Variants in ELAVL2 observed in about 807,000 individuals in gnomAD.
ELAVL2 encodes ELAV-like protein 2.
A neutral mutation model predicts 34.6 loss-of-function variants in ELAVL2; 4 were observed. That is an observed-to-expected ratio of 0.12 (90% CI 0.06 to 0.26). The LOEUF (loss-of-function observed/expected upper bound fraction) is 0.26, where lower values mean the gene tolerates loss of function less well. Ranked by LOEUF, ELAVL2 falls within the 10% of genes least tolerant of loss-of-function variation. The pLI, the probability that ELAVL2 is intolerant of heterozygous loss-of-function variation, is 1.00. For synonymous variants in ELAVL2, 193 were observed against 154.8 expected (o/e 1.25, Z -1.83); for missense variants, 432 against 442.8 (o/e 0.98, Z 0.22).
intron 1 of ELAVL2, among the ~76,000 whole-genome samples, chr9:23,809,484 T>C (rs766697882): frequency 1.3e-5 from 2 of 152,124 alleles, no homozygotes; most frequent in African/African-American, 4.8e-5. Flanking sequence ...ATCTAAGACA[T>C]GAGAAAACAT....
At position 23,779,855 on chromosome 9, in the gene ELAVL2, CTG is replaced by C. The variant is rs912188326; in HGVS notation, c.-15-17608_-15-17607del. Among the ~76,000 whole-genome samples, 4 of 151,822 alleles carry C rather than the reference CTG, an allele frequency of 2.6e-5. 1 individual carries two copies. Among genetic ancestry groups the C allele is most frequent in the Admixed American group, 2.0e-4 (3 of 15,240 alleles). ...ATAAAAAGCTGGAGCAATTCCAAAA[CTG>C]TGGGTTTTATAGGGCACATTAAATT... On this transcript the variant is annotated intron_variant, in intron 1 of 6. Transcript: ENST00000397312.
At chr9:23,781,846 G>A (rs984593186) in intron 1 of ELAVL2, among the ~76,000 whole-genome samples, 7 of 151,900 alleles carry the variant, frequency 4.6e-5, no homozygotes, top group South Asian at 2.1e-4. Context: ...CACCACGCCC[G>A]GCTAATTTTT....
upstream of ELAVL2, among the ~76,000 whole-genome samples, chr9:23,826,528 C>T (rs1477251874): frequency 1.3e-5 from 2 of 152,094 alleles, no homozygotes; most frequent in Non-Finnish European, 2.9e-5. Flanking sequence ...GTAAGTTGTG[C>T]GGGGAGGTAC....
At chr9:23,840,028 G>A in the ELAVL2 span, among the ~76,000 whole-genome samples, 1 of 152,070 alleles carries the variant, frequency 6.6e-6, no homozygotes, top group Non-Finnish European at 1.5e-5. Context: ...TCAAGTTCAG[G>A]GTTGTCTTGG....
At chr9:23,733,027 T>C (rs549881575) in intron 2 of ELAVL2, among the ~76,000 whole-genome samples, 112 of 152,172 alleles carry the variant, frequency 7.4e-4, no homozygotes, top group African/African-American at 2.6e-3. Flanking sequence ...TTTGTCATAC[T>C]GCTATTCTAT....
chr9:23,745,805 T>C (rs1192613946), intron 2 of ELAVL2, among the ~76,000 whole-genome samples: 1 of 152,162 alleles, frequency 6.6e-6, no homozygotes, highest in East Asian at 1.9e-4. Context: ...TACCACAAGA[T>C]ATATGGCTCT....
At chr9:23,783,987 G>A (rs1334523919) in intron 1 of ELAVL2, among the ~76,000 whole-genome samples, 2 of 151,954 alleles carry the variant, frequency 1.3e-5, no homozygotes, top group Non-Finnish European at 2.9e-5. Context: ...GAGGTCAGGA[G>A]ATCGAGACCA....
Position 23,692,077 on chromosome 9 carries a change from T to C in ELAVL2, c.*480A>G, listed in dbSNP as rs748915626. ...AAACTTCATAAATAAAAATGTAAAC[T>C]TCAAAATACTTTTCTTAAACAGACA... On this transcript the variant is annotated 3_prime_UTR_variant, in exon 7 of 7. Coordinates refer to ENST00000397312, the MANE Select transcript of ELAVL2 (RefSeq NM_004432.5). The C allele has an allele frequency of 6.5e-6, 1 of 154,152 alleles. No individual in the cohort carries two copies. The highest frequency in any genetic ancestry group is 2.0e-4 in the South Asian group (1 of 4,944). 9.5% of individuals were successfully genotyped at this position (154,152 alleles called of 1,614,324 possible). A position where few individuals can be genotyped will look rare whatever the true frequency, so the allele number is the denominator to read the frequency against.
intron 1 of ELAVL2, among the ~76,000 whole-genome samples, chr9:23,820,399 G>C (rs2064397071): frequency 6.6e-6 from 1 of 152,178 alleles, no homozygotes; most frequent in South Asian, 2.1e-4. Flanking sequence ...ACCGTTCTTT[G>C]AGGGAGGGAA....
chr9:23,822,016 C>G (rs527530550), intron 1 of ELAVL2, among the ~76,000 whole-genome samples: 2 of 151,792 alleles, frequency 1.3e-5, no homozygotes, highest in African/African-American at 4.8e-5. Context: ...TCCCTCCGGA[C>G]TTCCGAGTCT....
intron 1 of ELAVL2, among the ~76,000 whole-genome samples, chr9:23,824,111 C>T (rs913531434): frequency 6.6e-6 from 1 of 152,248 alleles, no homozygotes; most frequent in Middle Eastern, 3.4e-3. Context: ...TTGGCTATTT[C>T]TCTCACCCTC....
intron 2 of ELAVL2, among the ~76,000 whole-genome samples, chr9:23,743,289 C>T (rs995171628): frequency 1.4e-4 from 21 of 152,190 alleles, no homozygotes; most frequent in African/African-American, 5.1e-4. Context: ...CAAAATGGTG[C>T]AGCTCCTACG....
intron 2 of ELAVL2, among the ~76,000 whole-genome samples, chr9:23,736,805 T>C (rs1403292202): frequency 1.3e-5 from 2 of 152,204 alleles, no homozygotes. Flanking sequence ...CCAGGAGAAC[T>C]TCTTAAAACA....
chr9:23,737,065 T>G (rs1321293531), intron 2 of ELAVL2, among the ~76,000 whole-genome samples: 1 of 152,132 alleles, frequency 6.6e-6, no homozygotes, highest in Non-Finnish European at 1.5e-5. Flanking sequence ...TCCCACAGCT[T>G]CTTATATTAT....
intron 1 of ELAVL2, among the ~76,000 whole-genome samples, chr9:23,808,834 A>T (rs1276133907): frequency 6.6e-6 from 1 of 152,132 alleles, no homozygotes; most frequent in Non-Finnish European, 1.5e-5. Context: ...TTCCTTAAGG[A>T]GTCTGAACTA....
intron 3 of ELAVL2, among the ~76,000 whole-genome samples, chr9:23,718,213 T>C (rs911402962): frequency 6.6e-6 from 1 of 152,136 alleles, no homozygotes; most frequent in African/African-American, 2.4e-5. Context: ...TCCTAACAAA[T>C]AATCTTCCTC....
At chr9:23,836,359 T>A in the ELAVL2 span, among the ~76,000 whole-genome samples, 33 of 152,296 alleles carry the variant, frequency 2.2e-4, no homozygotes, top group African/African-American at 7.9e-4. Flanking sequence ...TTACTGTGAA[T>A]TTTTTCCTGT....
In ELAVL2 at chr9:23,813,681, G is replaced by A. The variant is rs544422165; in HGVS notation, c.-16+12125C>T. 5.9e-5 allele frequency among the ~76,000 whole-genome samples: 9 copies of A among 152,314 alleles called. No homozygotes were observed. In the South Asian group the frequency reaches 1.9e-3, roughly 32 times the overall value. On this transcript the variant is annotated intron_variant, in intron 1 of 6. Coordinates refer to ENST00000397312, the MANE Select transcript of ELAVL2 (RefSeq NM_004432.5). The stretch of plus-strand genomic sequence containing the variant: ...AGAGAAAAGGTAAGTTAAGCTGAGA[G>A]AAGCTCATTTTATAAAAGGAGAAAC...
intron 2 of ELAVL2, among the ~76,000 whole-genome samples, chr9:23,731,457 T>C (rs776377861): frequency 6.6e-6 from 1 of 152,150 alleles, no homozygotes; most frequent in Non-Finnish European, 1.5e-5. Flanking sequence ...CTCTGTGCTA[T>C]GGAGAGGGCT....
Sources: gnomAD v4.1 joint callset for allele counts (sites outside exome capture counted in the v4.1 genomes callset) on GRCh38, gnomAD v4.1.1 for gene constraint, MANE v1.5 for transcripts, NCBI Gene and HGNC (gene_info 2026-07-23, HGNC 2026-07-21) for gene names.